Variants in CAPN8 observed in about 807,000 individuals in gnomAD.
CAPN8 encodes the protein calpain-8.
A neutral mutation model predicts 80.9 loss-of-function variants in CAPN8; 87 were observed. The ratio of observed to expected loss-of-function variants is 1.07; its 90% confidence interval spans 0.90 to 1.28. The LOEUF is 1.28. Ranked by LOEUF, CAPN8 falls within the 50% of genes most tolerant of loss-of-function variation. The probability of loss-of-function intolerance (pLI) is 0.00; values close to 1 mark genes in which losing one functional copy is unlikely to be tolerated. For synonymous variants in CAPN8, 299 were observed against 273.8 expected (o/e 1.09, Z -0.91); for missense variants, 757 against 702.0 (o/e 1.08, Z -0.89).
intron 9 of CAPN8, chr1:223,618,092 C>A: frequency 1.3e-6 from 1 of 787,932 alleles, no homozygotes; most frequent in Non-Finnish European, 2.1e-6. Flanking sequence ...GTGACTGGCC[C>A]TGCCCCATGC....
At chr1:223,543,273 T>A (rs77174056) in intron 19 of CAPN8, 107 bp from the exon 20 acceptor site, 1 of 1,307,966 alleles carries the variant, frequency 7.6e-7, no homozygotes, top group Non-Finnish European at 1.1e-6. Context: ...GAACTCTCCT[T>A]TCCCCTACCA....
At chr1:223,625,713 A>G in intron 6 of CAPN8, 92 bp downstream of exon 6, 3 of 1,146,870 alleles carry the variant, frequency 2.6e-6, no homozygotes, top group Middle Eastern at 1.9e-4. Context: ...CGAACCTTCT[A>G]GTAGTAATCA....
At position 223,663,199 on chromosome 1, in the gene CAPN8, G is replaced by A. The variant is rs531158974; in HGVS notation, c.237+2211C>T. 2.0e-5 allele frequency among the ~76,000 whole-genome samples: 3 copies of A among 152,294 alleles called. No homozygotes were observed. In the East Asian group the frequency reaches 5.8e-4, roughly 29 times the overall value. On this transcript the variant is annotated intron_variant, in intron 1 of 20. Coordinates refer to ENST00000366872, the MANE Select transcript of CAPN8 (RefSeq NM_001143962.2). Reference sequence around the variant, plus strand: ...ATTACCGCATTTCCACAGACCACGAGGACAGGTGAAGACATAGTTTGGGGA... The same window carrying A: ...ATTACCGCATTTCCACAGACCACGAAGACAGGTGAAGACATAGTTTGGGGA...
intron 2 of CAPN8, among the ~76,000 whole-genome samples, chr1:223,634,587 C>T (rs73125613): frequency 0.04 from 6,097 of 152,236 alleles, 297 homozygotes; most frequent in African/African-American, 0.12. Flanking sequence ...AACAACAACA[C>T]AAGTCTAGAG....
chr1:223,622,969 C>T (rs923849161), intron 6 of CAPN8, 69 bp from the exon 7 acceptor site: 7 of 1,224,560 alleles, frequency 5.7e-6, no homozygotes, highest in Non-Finnish European at 8.2e-6. Context: ...CATGTCTGCA[C>T]CTGACAGGAT....
At chr1:223,541,932 T>C in intron 20 of CAPN8, 73 bp from the exon 21 acceptor site, 1 of 1,548,986 alleles carries the variant, frequency 6.5e-7, no homozygotes, top group Non-Finnish European at 8.7e-7. Context: ...GATGCTCTCC[T>C]GCCTCACATG....
intron 11 of CAPN8, among the ~76,000 whole-genome samples, chr1:223,611,594 T>C (rs1351574562): frequency 1.3e-5 from 2 of 152,212 alleles, no homozygotes; most frequent in East Asian, 3.8e-4. Flanking sequence ...AACACCACTG[T>C]CTGGTCCTTG....
intron 2 of CAPN8, among the ~76,000 whole-genome samples, chr1:223,646,412 C>T (rs1421160117): frequency 6.6e-6 from 1 of 152,208 alleles, no homozygotes; most frequent in African/African-American, 2.4e-5. Context: ...GATGCCAGGG[C>T]TTCCAGTAAA....
chr1:223,627,277 C>T, intron 4 of CAPN8, 120 bp from the exon 5 acceptor site: 1 of 1,134,850 alleles, frequency 8.8e-7, no homozygotes, highest in South Asian at 1.6e-5. Flanking sequence ...GGCTCTTTGC[C>T]TATTTTGCCT....
chr1:223,554,589 G>GA (rs1235974808), intron 13 of CAPN8, among the ~76,000 whole-genome samples: 27,540 of 147,726 alleles, frequency 0.19, 2,612 homozygotes, highest in Middle Eastern at 0.26. Flanking sequence ...CCTTATATCA[G>GA]AAAAAAAAAA....
At chr1:223,631,869 CT>C (rs1293108010) in intron 2 of CAPN8, among the ~76,000 whole-genome samples, 1 of 152,158 alleles carries the variant, frequency 6.6e-6, no homozygotes, top group Non-Finnish European at 1.5e-5. Context: ...AAGCTAGTGG[CT>C]TCTCAAAGAG....
intron 2 of CAPN8, among the ~76,000 whole-genome samples, chr1:223,649,463 C>A (rs1220001440): frequency 6.6e-6 from 1 of 152,226 alleles, no homozygotes; most frequent in African/African-American, 2.4e-5. Context: ...TCCTTCATGA[C>A]CTGCTTCCAG....
chr1:223,544,517 C>T (rs1176015015), intron 18 of CAPN8, among the ~76,000 whole-genome samples: 2 of 152,178 alleles, frequency 1.3e-5, no homozygotes, highest in African/African-American at 4.8e-5. Context: ...ATAGCCCCTT[C>T]CTCTGTAATT....
At chr1:223,654,937 CCTT>C (rs1423697854) in intron 1 of CAPN8, among the ~76,000 whole-genome samples, 1 of 149,918 alleles carries the variant, frequency 6.7e-6, no homozygotes, top group African/African-American at 2.5e-5. Context: ...GATCCATCTG[CCTT>C]GGCCTCCCAA....
intron 2 of CAPN8, among the ~76,000 whole-genome samples, chr1:223,653,691 G>C (rs1479402222): frequency 6.6e-6 from 1 of 152,126 alleles, no homozygotes; most frequent in Non-Finnish European, 1.5e-5. Context: ...TGAAGCCTTG[G>C]TATCGGGAGG....
chr1:223,659,511 A>G (rs1658587321), intron 1 of CAPN8, among the ~76,000 whole-genome samples: 1 of 152,080 alleles, frequency 6.6e-6, no homozygotes, highest in Admixed American at 6.6e-5. Flanking sequence ...GCCACAACCC[A>G]GTACCTCTGC....
intron 6 of CAPN8, among the ~76,000 whole-genome samples, chr1:223,624,791 TAGGAAATAAAAATAATG>T (rs1440423651): frequency 6.6e-6 from 1 of 151,094 alleles, no homozygotes; most frequent in African/African-American, 2.4e-5. Flanking sequence ...AGACACAATG[TAGGAAATAAAAATAATG>T]AATAGGCCGG....
chr1:223,546,468 A>G (rs1656625637), intron 16 of CAPN8, among the ~76,000 whole-genome samples: 1 of 152,222 alleles, frequency 6.6e-6, no homozygotes. Context: ...TAAGCCTCAT[A>G]CTTTAAGAAA....
At chr1:223,556,920 G>A (rs1656918489) in intron 13 of CAPN8, among the ~76,000 whole-genome samples, 1 of 152,100 alleles carries the variant, frequency 6.6e-6, no homozygotes, top group Non-Finnish European at 1.5e-5. Flanking sequence ...GGCTGAGCTG[G>A]CATCAGCAAC....
Sources: gnomAD v4.1 joint callset for allele counts (sites outside exome capture counted in the v4.1 genomes callset) on GRCh38, gnomAD v4.1.1 for gene constraint, MANE v1.5 for transcripts, NCBI Gene and HGNC (gene_info 2026-07-23, HGNC 2026-07-21) for gene names.